Variants in SNCAIP observed in about 807,000 individuals in gnomAD.
The protein encoded by SNCAIP is synuclein alpha interacting protein, also known as synphilin-1.
A neutral mutation model predicts 86.7 loss-of-function variants in SNCAIP; 43 were observed. That is an observed-to-expected ratio of 0.50 (90% CI 0.39 to 0.64). SNCAIP has a LOEUF of 0.64. Among genes scored for constraint, SNCAIP ranks in the 30% least tolerant of loss-of-function variants. The pLI, the probability that SNCAIP is intolerant of heterozygous loss-of-function variation, is 0.00. For synonymous variants in SNCAIP, 417 were observed against 427.2 expected, an observed-to-expected ratio of 0.98 and a Z score of 0.29; for missense variants, 981 against 1,103.1, an observed-to-expected ratio of 0.89 and a Z score of 1.57.
At chr5:122,348,018 A>G (rs1401815779) in intron 1 of SNCAIP, among the ~76,000 whole-genome samples, 1 of 152,156 alleles carries the variant, frequency 6.6e-6, no homozygotes, top group Non-Finnish European at 1.5e-5. Flanking sequence ...GTTACATCTT[A>G]AGTCAGTAAT....
chr5:122,382,774 A>T (rs2152820175), intron 1 of SNCAIP, among the ~76,000 whole-genome samples: 1 of 152,320 alleles, frequency 6.6e-6, no homozygotes, highest in South Asian at 2.1e-4. Context: ...CAGGACCCTC[A>T]GCTGCAGGTC....
chr5:122,320,455 C>T (rs1752688445), intron 1 of SNCAIP, among the ~76,000 whole-genome samples: 1 of 152,084 alleles, frequency 6.6e-6, no homozygotes, highest in East Asian at 1.9e-4. Flanking sequence ...GTATTTATAG[C>T]TAGCTTATAT....
intron 3 of SNCAIP, among the ~76,000 whole-genome samples, chr5:122,414,999 G>A (rs568190926): frequency 4.4e-4 from 67 of 152,312 alleles, no homozygotes; most frequent in African/African-American, 1.5e-3. Context: ...ATTAAGTGGA[G>A]GACATTTTAG....
chr5:122,369,691 C>T (rs1763884970), intron 1 of SNCAIP: 1 of 152,052 alleles, frequency 6.6e-6, no homozygotes, highest in African/African-American at 2.4e-5. Context: ...TTTGTTCCCC[C>T]TTGAAGTGTC....
intron 3 of SNCAIP, among the ~76,000 whole-genome samples, chr5:122,414,052 G>C (rs916716193): frequency 6.6e-6 from 1 of 152,054 alleles, no homozygotes; most frequent in Non-Finnish European, 1.5e-5. Flanking sequence ...TGAAACTACA[G>C]GAGCAAGCCA....
chr5:122,387,444 G>GC (rs1302388872), intron 1 of SNCAIP, among the ~76,000 whole-genome samples: 6 of 152,160 alleles, frequency 3.9e-5, no homozygotes, highest in African/African-American at 1.4e-4. Context: ...GAGTCACCAT[G>GC]CCCGACCCTA....
chr5:122,332,877 C>T (rs942953445), intron 1 of SNCAIP, among the ~76,000 whole-genome samples: 1 of 152,108 alleles, frequency 6.6e-6, no homozygotes, highest in Non-Finnish European at 1.5e-5. Flanking sequence ...AAAGAGCTGG[C>T]CAGGCTTTTA....
chr5:122,435,583 T>C (rs1051628109), intron 6 of SNCAIP, among the ~76,000 whole-genome samples: 12 of 152,162 alleles, frequency 7.9e-5, no homozygotes, highest in African/African-American at 2.9e-4. Context: ...CATCATGGCA[T>C]TGAACATTTA....
intron 1 of SNCAIP, among the ~76,000 whole-genome samples, chr5:122,383,193 A>G (rs1201868869): frequency 6.6e-6 from 1 of 151,252 alleles, no homozygotes; most frequent in Non-Finnish European, 1.5e-5. Context: ...AATCAGCGAG[A>G]CTCCGTGGGC....
chr5:122,381,681 G>A (rs1266678377), intron 1 of SNCAIP, among the ~76,000 whole-genome samples: 20 of 151,676 alleles, frequency 1.3e-4, no homozygotes, highest in South Asian at 4.2e-4. Flanking sequence ...AGCTGGTACC[G>A]GTTGTTCCTT....
chr5:122,413,899 G>T (rs1343471966), intron 3 of SNCAIP, among the ~76,000 whole-genome samples: 3 of 152,218 alleles, frequency 2.0e-5, no homozygotes, highest in East Asian at 1.9e-4. Context: ...TTTAAGAAAG[G>T]TTGGGGGATT....
chr5:122,444,770 C>T, intron 8 of SNCAIP, 38 bp downstream of exon 8: 1 of 1,562,214 alleles, frequency 6.4e-7, no homozygotes, highest in Non-Finnish European at 8.8e-7. Flanking sequence ...CCAAGTCTAA[C>T]TCATTATTGT....
intron 4 of SNCAIP, among the ~76,000 whole-genome samples, chr5:122,424,758 C>T (rs1327834102): frequency 6.6e-6 from 1 of 152,204 alleles, no homozygotes; most frequent in African/African-American, 2.4e-5. Flanking sequence ...ACCCAACAAT[C>T]TCTATCAACG....
intron 7 of SNCAIP, among the ~76,000 whole-genome samples, chr5:122,442,329 A>G (rs182222817): frequency 6.6e-4 from 100 of 152,292 alleles, no homozygotes; most frequent in African/African-American, 2.3e-3. Context: ...CTATAAATAT[A>G]AAAGGCAAGA....
chr5:122,415,589 G>A (rs576353650), intron 3 of SNCAIP, among the ~76,000 whole-genome samples: 22 of 152,258 alleles, frequency 1.4e-4, no homozygotes, highest in African/African-American at 4.1e-4. Context: ...GAGAGAAGAG[G>A]GCAGGGATTT....
intron 2 of SNCAIP, among the ~76,000 whole-genome samples, chr5:122,399,315 A>G (rs1299746622): frequency 1.3e-5 from 2 of 152,142 alleles, no homozygotes; most frequent in Non-Finnish European, 2.9e-5. Context: ...TCTTCCACAC[A>G]TAAGGAAACT....
At chr5:122,454,763 C>G (rs1000087296) in intron 10 of SNCAIP, among the ~76,000 whole-genome samples, 1 of 152,194 alleles carries the variant, frequency 6.6e-6, no homozygotes, top group East Asian at 1.9e-4. Context: ...AAGAATACTT[C>G]TTATTTCTTC....
chr5:122,405,871 A>G (rs896228019), intron 3 of SNCAIP, among the ~76,000 whole-genome samples: 1 of 152,160 alleles, frequency 6.6e-6, no homozygotes, highest in African/African-American at 2.4e-5. Flanking sequence ...ATGATGGTAG[A>G]CTTTTCTTCC....
Position 122,440,721 on chromosome 5 carries a change from A to T in SNCAIP, c.1389A>T (p.Val463=). 1 of 1,614,104 alleles carries T rather than the reference A, an allele frequency of 6.2e-7. No individual in the cohort carries two copies. The highest frequency in any genetic ancestry group is 8.5e-7 in the Non-Finnish European group (1 of 1,179,928). The change falls in exon 7 of 11, where the codon GTA becomes GTT. Residue 463 remains valine (V), a synonymous_variant. Coordinates refer to ENST00000261368, the MANE Select transcript of SNCAIP (RefSeq NM_005460.4). ...VDQDGNSAVH[V]ASQHGYLGCI... ...AGGATGGCAACAGTGCCGTTCACGTAGCCTCACAGCATGGCTACCTTGGAT... is the reference window on the plus strand; with the variant it reads ...AGGATGGCAACAGTGCCGTTCACGTTGCCTCACAGCATGGCTACCTTGGAT...
Sources: gnomAD v4.1 joint callset for allele counts (sites outside exome capture counted in the v4.1 genomes callset) on GRCh38, gnomAD v4.1.1 for gene constraint, MANE v1.5 for transcripts, NCBI Gene and HGNC (gene_info 2026-07-23, HGNC 2026-07-21) for gene names.